HMBOX1: variants seen among roughly 807,000 people sequenced by gnomAD.
The protein encoded by HMBOX1 is homeobox containing 1.
Under a neutral mutation model 54.5 loss-of-function variants are expected in HMBOX1, and 14 were observed. That is an observed-to-expected ratio of 0.26 (90% CI 0.17 to 0.40). The LOEUF (loss-of-function observed/expected upper bound fraction) is 0.40. Ranked by LOEUF, HMBOX1 falls within the 10% of genes least tolerant of loss-of-function variation. The pLI is 1.00. For missense variants in HMBOX1, 332 were observed against 514.4 expected (o/e 0.65, Z 3.43); for synonymous variants, 160 against 181.0 (o/e 0.88, Z 0.93).
intron 1 of HMBOX1, among the ~76,000 whole-genome samples, chr8:28,932,519 T>A (rs1465429308): frequency 6.6e-6 from 1 of 152,184 alleles, no homozygotes; most frequent in East Asian, 1.9e-4. Context: ...CTTTTTACTT[T>A]CGTGGTTTTA....
rs1829098292 is a variant in HMBOX1, at chr8:28,980,120, C to T, written c.550C>T (p.Arg184Trp). The T allele has an allele frequency of 1.9e-6, 3 of 1,613,716 alleles. No individual in the cohort carries two copies. Among genetic ancestry groups the T allele is most frequent in the South Asian group, 2.2e-5 (2 of 91,076 alleles). Residue 184 changes from arginine to tryptophan, a missense_variant, in exon 4 of 10, where the codon CGG becomes TGG. This residue lies in a region of HMBOX1 where 117 missense variants were observed against 220.0 expected (regional missense o/e 0.53). Transcript: ENST00000287701. ...KEEIKAFLAN[R>W]RISQAVVAQV... ...GGAAATCAAAGCCTTTCTTGCCAATCGGAGGATTTCCCAAGCAGTTGTTGC... is the reference window on the plus strand; with the variant it reads ...GGAAATCAAAGCCTTTCTTGCCAATTGGAGGATTTCCCAAGCAGTTGTTGC...
At chr8:28,916,497 G>A (rs1432793463) in intron 1 of HMBOX1, among the ~76,000 whole-genome samples, 1 of 152,140 alleles carries the variant, frequency 6.6e-6, no homozygotes, top group Non-Finnish European at 1.5e-5. Flanking sequence ...AAGATTTGAG[G>A]TATGGGCAAG....
Position 28,900,780 on chromosome 8 carries a change from G to T in HMBOX1, c.-58+10102G>T, listed in dbSNP as rs139586550. On this transcript the variant is annotated intron_variant, in intron 1 of 9. Coordinates refer to ENST00000287701, the MANE Select transcript of HMBOX1 (RefSeq NM_001135726.3). ...CCTTTATTCTAATTTTCTGGATCTG[G>T]TAAGCGAGTTTTTTTTGTTTGTTTT... Among the ~76,000 whole-genome samples, 53 of 152,048 alleles carry T rather than the reference G, an allele frequency of 3.5e-4. 1 individual carries two copies. The East Asian group carries it at 6.2e-3, about 18-fold the overall frequency.
At position 28,934,445 on chromosome 8, in the gene HMBOX1, A is replaced by G. The variant is rs77665739; in HGVS notation, c.-57-29366A>G. 5.7e-3 allele frequency among the ~76,000 whole-genome samples: 870 copies of G among 152,324 alleles called. 4 individuals carry two copies. Among genetic ancestry groups the G allele is most frequent in the African/African-American group, 0.02 (845 of 41,564 alleles). On this transcript the variant is annotated intron_variant, in intron 1 of 9. Coordinates refer to ENST00000287701, the MANE Select transcript of HMBOX1 (RefSeq NM_001135726.3). Reference sequence around the variant, plus strand: ...TGCAGGTACTACTGCTATTCATAATATACTATAGCTCCTCACCAGTAAAAT... The same window carrying G: ...TGCAGGTACTACTGCTATTCATAATGTACTATAGCTCCTCACCAGTAAAAT...
At chr8:29,042,838 A>G (rs1399617398) in intron 6 of HMBOX1, 2 of 358,676 alleles carry the variant, frequency 5.6e-6, no homozygotes, top group Non-Finnish European at 1.1e-5. Flanking sequence ...GGAAAGATAA[A>G]CAGAGATTGT....
intron 4 of HMBOX1, among the ~76,000 whole-genome samples, chr8:29,005,660 T>C (rs1327967304): frequency 6.6e-6 from 1 of 152,130 alleles, no homozygotes; most frequent in Non-Finnish European, 1.5e-5. Context: ...ATAACCACCC[T>C]CCAGATCGAG....
At chr8:28,998,946 T>C (rs572951711) in intron 4 of HMBOX1, among the ~76,000 whole-genome samples, 2 of 152,284 alleles carry the variant, frequency 1.3e-5, no homozygotes, top group South Asian at 4.2e-4. Context: ...ATTTATATAT[T>C]GTGTGCCCAT....
intron 6 of HMBOX1, among the ~76,000 whole-genome samples, chr8:29,022,406 A>G (rs1279333299): frequency 1.3e-5 from 2 of 152,200 alleles, no homozygotes; most frequent in African/African-American, 2.4e-5. Context: ...TGACAGAGAA[A>G]GACCCTATCT....
At chr8:29,042,526 A>G (rs1410732131) in intron 6 of HMBOX1, 3 of 402,864 alleles carry the variant, frequency 7.4e-6, no homozygotes, top group East Asian at 7.1e-5. Flanking sequence ...ATGAAAGGCA[A>G]TTGGTTAGAA....
At chr8:29,048,707 C>G (rs565951965) in intron 8 of HMBOX1, 5 of 400,016 alleles carry the variant, frequency 1.2e-5, no homozygotes, top group African/African-American at 9.9e-5. Context: ...AGTTAGTTAG[C>G]AAGTATTTAT....
chr8:29,036,480 C>T (rs1185076887), intron 6 of HMBOX1, among the ~76,000 whole-genome samples: 1 of 152,108 alleles, frequency 6.6e-6, no homozygotes, highest in Non-Finnish European at 1.5e-5. Flanking sequence ...TTTAATTCTC[C>T]TCTACTCAGG....
At chr8:29,010,118 A>G (rs1834034777) in intron 5 of HMBOX1, 1 of 980,316 alleles carries the variant, frequency 1.0e-6, no homozygotes, top group African/African-American at 1.7e-5. Flanking sequence ...TCCAGGCAGG[A>G]TGAAACAGAA....
chr8:28,945,973 G>A (rs1475847275), intron 1 of HMBOX1, among the ~76,000 whole-genome samples: 1 of 137,912 alleles, frequency 7.3e-6, no homozygotes, highest in Non-Finnish European at 1.5e-5. Context: ...CCTTTATTGA[G>A]ACGGAGTCTT....
intron 5 of HMBOX1, 105 bp from the exon 6 acceptor site, chr8:29,018,655 G>C (rs890274669): frequency 3.5e-6 from 4 of 1,130,146 alleles, no homozygotes; most frequent in Non-Finnish European, 5.0e-6. Context: ...TGATTAAGTT[G>C]TCACTAAGCC....
chr8:29,010,108 T>C (rs1834034429), intron 5 of HMBOX1: 1 of 980,212 alleles, frequency 1.0e-6, no homozygotes, highest in African/African-American at 1.7e-5. Context: ...ATCCGAATGG[T>C]CCAGGCAGGA....
At chr8:28,938,333 G>C (rs1342971086) in intron 1 of HMBOX1, among the ~76,000 whole-genome samples, 1 of 152,172 alleles carries the variant, frequency 6.6e-6, no homozygotes, top group Admixed American at 6.5e-5. Flanking sequence ...GCAATTTTCA[G>C]GTATTATGGG....
At chr8:28,913,165 C>G (rs891703382) in intron 1 of HMBOX1, among the ~76,000 whole-genome samples, 1 of 152,196 alleles carries the variant, frequency 6.6e-6, no homozygotes, top group Non-Finnish European at 1.5e-5. Context: ...GCTGGTCTTG[C>G]CCTCTTTCCC....
intron 1 of HMBOX1, among the ~76,000 whole-genome samples, chr8:28,933,743 C>T (rs1563416516): frequency 6.6e-6 from 1 of 152,176 alleles, no homozygotes; most frequent in Non-Finnish European, 1.5e-5. Context: ...TCAAAGCTCA[C>T]TCAAGAAGAA....
rs192651840 is a variant in HMBOX1 at position 28,895,031 on chromosome 8, G to A, written c.-58+4353G>A. Among the ~76,000 whole-genome samples, 14 of 151,828 alleles carry A rather than the reference G, an allele frequency of 9.2e-5. No individual in the cohort carries two copies. The East Asian group carries it at 2.7e-3, about 29-fold the overall frequency. On this transcript the variant is annotated intron_variant, in intron 1 of 9. Coordinates refer to ENST00000287701, the MANE Select transcript of HMBOX1 (RefSeq NM_001135726.3). ...TTCACCCTTAAAATGGGTGACACTA[G>A]ACTCCTTCCTGTTAAGTGGTAAAAT...
Sources: gnomAD v4.1 joint callset for allele counts (sites outside exome capture counted in the v4.1 genomes callset) on GRCh38, gnomAD v4.1.1 for gene constraint, gnomAD v4.1.1 regional missense constraint, MANE v1.5 for transcripts, NCBI Gene and HGNC (gene_info 2026-07-23, HGNC 2026-07-21) for gene names.